AUTS2: variants seen among roughly 807,000 people sequenced by gnomAD.
AUTS2 encodes the protein activator of transcription and developmental regulator AUTS2.
A neutral mutation model predicts 112.4 loss-of-function variants in AUTS2; 17 were observed. The ratio of observed to expected loss-of-function variants is 0.15; its 90% CI spans 0.10 to 0.23. The LOEUF (loss-of-function observed/expected upper bound fraction) is 0.23, where lower values mean the gene tolerates loss of function less well. Ranked by LOEUF, AUTS2 falls within the 10% of genes least tolerant of loss-of-function variation. The pLI is 1.00. For missense variants in AUTS2, 1,510 were observed against 1,701.6 expected (o/e 0.89, Z 1.98); for synonymous variants, 751 against 702.7 (o/e 1.07, Z -1.09).
chr7:70,733,921 T>C (rs1787614435), intron 6 of AUTS2, among the ~76,000 whole-genome samples: 1 of 152,012 alleles, frequency 6.6e-6, no homozygotes, highest in African/African-American at 2.4e-5. Context: ...TCCAGGCTAT[T>C]TTTGATATAC....
intron 1 of AUTS2, among the ~76,000 whole-genome samples, chr7:69,770,903 TA>T (rs1007722457): frequency 3.3e-5 from 5 of 151,150 alleles, no homozygotes; most frequent in East Asian, 1.9e-4. Context: ...AAATTGCACT[TA>T]AAAAAAAATG....
chr7:70,109,587 A>C (rs1270132227), intron 2 of AUTS2, among the ~76,000 whole-genome samples: 3 of 152,188 alleles, frequency 2.0e-5, no homozygotes, highest in African/African-American at 7.2e-5. Flanking sequence ...TTATCTAAAG[A>C]TCTGGAATCA....
At chr7:70,351,185 G>T (rs1791740927) in intron 4 of AUTS2, among the ~76,000 whole-genome samples, 2 of 152,088 alleles carry the variant, frequency 1.3e-5, no homozygotes, top group South Asian at 4.2e-4. Flanking sequence ...CGAATAGCTG[G>T]GATTACAGGC....
chr7:69,643,346 C>T (rs1245630244), intron 1 of AUTS2: 1 of 153,732 alleles, frequency 6.5e-6, no homozygotes, highest in Non-Finnish European at 1.5e-5. Context: ...GATGATCACA[C>T]AAGGGCATTG....
intron 1 of AUTS2, among the ~76,000 whole-genome samples, chr7:69,620,019 G>A (rs2129089828): frequency 6.6e-6 from 1 of 152,312 alleles, no homozygotes; most frequent in Non-Finnish European, 1.5e-5. Flanking sequence ...ATGCCTTCAT[G>A]AATCTACTTC....
chr7:70,228,296 T>C (rs1378108827), intron 4 of AUTS2, among the ~76,000 whole-genome samples: 1 of 151,998 alleles, frequency 6.6e-6, no homozygotes, highest in Non-Finnish European at 1.5e-5. Flanking sequence ...TTCAATCTTT[T>C]TTAAACTTAT....
chr7:70,073,784 T>C (rs1197559825), intron 2 of AUTS2, among the ~76,000 whole-genome samples: 1 of 152,178 alleles, frequency 6.6e-6, no homozygotes, highest in Non-Finnish European at 1.5e-5. Flanking sequence ...TTCCTCCTTA[T>C]ACAACTAAGG....
At chr7:70,652,915 C>T (rs924772549) in intron 5 of AUTS2, among the ~76,000 whole-genome samples, 3 of 151,980 alleles carry the variant, frequency 2.0e-5, no homozygotes, top group Non-Finnish European at 2.9e-5. Flanking sequence ...TTCCTGATAT[C>T]GTTTATATGA....
chr7:69,790,535 C>G (rs540023250), intron 1 of AUTS2, among the ~76,000 whole-genome samples: 1 of 152,262 alleles, frequency 6.6e-6, no homozygotes, highest in Admixed American at 6.5e-5. Flanking sequence ...GATTAAAAAC[C>G]ACTTCCTGGC....
intron 5 of AUTS2, among the ~76,000 whole-genome samples, chr7:70,630,730 C>T (rs1805215322): frequency 1.3e-5 from 2 of 152,166 alleles, no homozygotes; most frequent in South Asian, 2.1e-4. Flanking sequence ...TAAAGTCAGT[C>T]GTGCCTTTGA....
At chr7:70,601,093 C>T (rs1414844031) in intron 5 of AUTS2, among the ~76,000 whole-genome samples, 1 of 152,176 alleles carries the variant, frequency 6.6e-6, no homozygotes, top group Non-Finnish European at 1.5e-5. Context: ...GAGGAACTCC[C>T]AGACTGTTTT....
intron 16 of AUTS2, 32 bp from the exon 17 acceptor site, chr7:70,785,923 G>A (rs1228720477): frequency 3.7e-6 from 6 of 1,608,452 alleles, no homozygotes; most frequent in Non-Finnish European, 5.1e-6. Flanking sequence ...CAGAGCCCCT[G>A]ACCATTTCCT....
intron 1 of AUTS2, among the ~76,000 whole-genome samples, chr7:69,891,029 T>C (rs985814610): frequency 6.6e-6 from 1 of 152,190 alleles, no homozygotes; most frequent in Non-Finnish European, 1.5e-5. Context: ...ACTAACAATA[T>C]ACAATTTGAT....
At chr7:70,572,128 C>T (rs1017826084) in intron 5 of AUTS2, among the ~76,000 whole-genome samples, 3 of 152,260 alleles carry the variant, frequency 2.0e-5, no homozygotes, top group Middle Eastern at 3.4e-3. Context: ...CCCATGGCAT[C>T]GTTTGGCCTA....
At chr7:70,046,169 A>G (rs1801495198) in intron 2 of AUTS2, among the ~76,000 whole-genome samples, 1 of 152,162 alleles carries the variant, frequency 6.6e-6, no homozygotes, top group Non-Finnish European at 1.5e-5. Flanking sequence ...TTACTTGTCA[A>G]GTCTACCTCT....
chr7:69,887,916 G>A (rs1054018861), intron 1 of AUTS2, among the ~76,000 whole-genome samples: 6 of 152,052 alleles, frequency 3.9e-5, no homozygotes, highest in African/African-American at 1.4e-4. Flanking sequence ...GTTATTTCTA[G>A]GCATCTGTTC....
At chr7:70,277,150 G>T (rs756695087) in intron 4 of AUTS2, among the ~76,000 whole-genome samples, 4 of 152,206 alleles carry the variant, frequency 2.6e-5, no homozygotes, top group Admixed American at 6.5e-5. Flanking sequence ...GGACTCCTAG[G>T]ATGGATCTGT....
chr7:69,620,059 A>C (rs1327440554), intron 1 of AUTS2, among the ~76,000 whole-genome samples: 3 of 152,220 alleles, frequency 2.0e-5, no homozygotes, highest in Non-Finnish European at 4.4e-5. Context: ...TGAGACATTA[A>C]AGCTTCCAGG....
At chr7:70,213,347 CA>C (rs1811006871) in intron 4 of AUTS2, among the ~76,000 whole-genome samples, 1 of 140,764 alleles carries the variant, frequency 7.1e-6, no homozygotes, top group Non-Finnish European at 1.5e-5. Context: ...GTTAACGATA[CA>C]AGACCCCCTT....
Sources: gnomAD v4.1 joint callset for allele counts (sites outside exome capture counted in the v4.1 genomes callset) on GRCh38, gnomAD v4.1.1 for gene constraint, MANE v1.5 for transcripts, NCBI Gene and HGNC (gene_info 2026-07-23, HGNC 2026-07-21) for gene names.